Variants in ASTN2 observed in about 807,000 individuals in gnomAD.
ASTN2 encodes the protein astrotactin-2.
Under a neutral mutation model 139.8 loss-of-function variants are expected in ASTN2, and 54 were observed. The ratio of observed to expected loss-of-function variants is 0.39; its 90% CI spans 0.31 to 0.48. The LOEUF (loss-of-function observed/expected upper bound fraction) is 0.48. ASTN2 is among the 20% of genes least tolerant of loss of function. The pLI, the probability that ASTN2 is intolerant of heterozygous loss-of-function variation, is 0.95. For missense variants in ASTN2, 1,565 were observed against 1,725.1 expected (o/e 0.91, Z 1.64); for synonymous variants, 756 against 719.5 (o/e 1.05, Z -0.81).
chr9:116,973,302 G>A (rs1488390354), intron 10 of ASTN2, among the ~76,000 whole-genome samples: 1 of 152,042 alleles, frequency 6.6e-6, no homozygotes, highest in Non-Finnish European at 1.5e-5. Flanking sequence ...TCGATGATAT[G>A]AACTATTATT....
intron 1 of ASTN2, among the ~76,000 whole-genome samples, chr9:117,384,411 G>A (rs977257190): frequency 6.6e-6 from 1 of 151,904 alleles, no homozygotes; most frequent in Non-Finnish European, 1.5e-5. Context: ...AACCAAGCCA[G>A]GAGATCTTCA....
chr9:117,211,564 C>T (rs1291217136), intron 3 of ASTN2, among the ~76,000 whole-genome samples: 1 of 152,132 alleles, frequency 6.6e-6, no homozygotes, highest in East Asian at 1.9e-4. Flanking sequence ...TTTCCTGAGG[C>T]CTCCCCAACC....
At chr9:117,283,894 G>T (rs372768060) in intron 2 of ASTN2, among the ~76,000 whole-genome samples, 1 of 151,910 alleles carries the variant, frequency 6.6e-6, no homozygotes, top group East Asian at 1.9e-4. Flanking sequence ...TGAAAGTAAT[G>T]GTATTTCTCA....
chr9:116,839,706 T>C (rs1832133935), intron 11 of ASTN2, among the ~76,000 whole-genome samples: 2 of 151,860 alleles, frequency 1.3e-5, no homozygotes, highest in Non-Finnish European at 2.9e-5. Context: ...AGTCTCGCTC[T>C]GTCGCCCAAG....
intron 4 of ASTN2, among the ~76,000 whole-genome samples, chr9:117,116,804 A>ATGGGG (rs1829404357): frequency 9.1e-6 from 1 of 109,812 alleles, no homozygotes; most frequent in Non-Finnish European, 1.7e-5. Flanking sequence ...GTGTGTGTTG[A>ATGGGG]TGGGGTTTTG....
intron 10 of ASTN2, among the ~76,000 whole-genome samples, chr9:116,892,045 T>G (rs1043016855): frequency 9.2e-5 from 14 of 152,334 alleles, no homozygotes; most frequent in Admixed American, 8.5e-4. Context: ...CCTAAAATTT[T>G]AAGTTATCTG....
Position 116,704,350 on chromosome 9 carries a change from A to C in ASTN2, c.2806+21421T>G, listed in dbSNP as rs1242318849. Among the ~76,000 whole-genome samples the C allele has an allele frequency of 2.0e-5, 3 of 152,170 alleles. No individual in the cohort carries two copies. The East Asian group carries it at 5.8e-4, about 29-fold the overall frequency. On this transcript the variant is annotated intron_variant, in intron 16 of 22. Coordinates refer to ENST00000313400, the MANE Select transcript of ASTN2 (RefSeq NM_001365068.1). ...AATAGTAGAACAACAACATCAACAA[A>C]AAACCCAAATCATCCCCAACTTGAT...
At chr9:117,376,110 G>A (rs547785145) in intron 1 of ASTN2, among the ~76,000 whole-genome samples, 2 of 152,142 alleles carry the variant, frequency 1.3e-5, no homozygotes, top group African/African-American at 4.8e-5. Flanking sequence ...ATATGGCATA[G>A]AATATTCACA....
intron 22 of ASTN2, among the ~76,000 whole-genome samples, chr9:116,426,630 G>T (rs1366077625): frequency 6.6e-6 from 1 of 152,082 alleles, no homozygotes; most frequent in African/African-American, 2.4e-5. Flanking sequence ...CTAAATCTAG[G>T]CCTGACCACC....
At chr9:116,632,252 G>GAAAGAAAGAAAGAAGGAAAGAAAGAAA (rs1856833378) in intron 17 of ASTN2, among the ~76,000 whole-genome samples, 1 of 70,916 alleles carries the variant, frequency 1.4e-5, no homozygotes, top group African/African-American at 7.1e-5. Context: ...AAAGAAAGAA[G>GAAAGAAAGAAAGAAGGAAAGAAAGAAA]GAAAGAAAGA....
intron 3 of ASTN2, among the ~76,000 whole-genome samples, chr9:117,142,798 C>CT (rs1374598981): frequency 1.3e-5 from 2 of 152,148 alleles, no homozygotes; most frequent in Middle Eastern, 3.2e-3. Context: ...GCCTCAGTGC[C>CT]TTTGTTCTGA....
chr9:116,723,120 G>T (rs943785358), intron 16 of ASTN2, among the ~76,000 whole-genome samples: 19 of 151,838 alleles, frequency 1.3e-4, no homozygotes, highest in African/African-American at 4.4e-4. Flanking sequence ...AGCAGAGATC[G>T]TGCCACTGAG....
chr9:116,501,154 C>T (rs1203666396), intron 19 of ASTN2, among the ~76,000 whole-genome samples: 1 of 152,144 alleles, frequency 6.6e-6, no homozygotes, highest in Non-Finnish European at 1.5e-5. Flanking sequence ...AAGCTCCAAA[C>T]CCAAGTCTGA....
At chr9:117,038,185 A>G (rs1735701942) in intron 6 of ASTN2, among the ~76,000 whole-genome samples, 1 of 151,760 alleles carries the variant, frequency 6.6e-6, no homozygotes, top group Admixed American at 6.6e-5. Flanking sequence ...TCTGGTCAAA[A>G]TATACTGAAG....
chr9:116,686,957 G>T (rs1046108944), intron 16 of ASTN2: 19 of 1,472,356 alleles, frequency 1.3e-5, no homozygotes, highest in African/African-American at 2.8e-5. Context: ...AACAGATTCA[G>T]TAAGGTGCCA....
intron 19 of ASTN2, among the ~76,000 whole-genome samples, chr9:116,520,043 C>T (rs1024901539): frequency 6.6e-6 from 1 of 152,018 alleles, no homozygotes; most frequent in Non-Finnish European, 1.5e-5. Flanking sequence ...TAGTCCAGGA[C>T]CAGAAAGATT....
At chr9:116,490,274 A>T (rs1849474254) in intron 19 of ASTN2, among the ~76,000 whole-genome samples, 3 of 24,846 alleles carry the variant, frequency 1.2e-4, no homozygotes, top group Admixed American at 3.2e-4. Context: ...ATAAAAAGTA[A>T]AAAAAAAAAA....
At chr9:116,840,979 G>A (rs7467130) in intron 11 of ASTN2, among the ~76,000 whole-genome samples, 29,730 of 151,834 alleles carry the variant, frequency 0.2, 3,269 homozygotes, top group East Asian at 0.49. Flanking sequence ...ACGGGGTGGC[G>A]GCCGGGCAGA....
intron 16 of ASTN2, among the ~76,000 whole-genome samples, chr9:116,690,400 AC>A (rs1371242801): frequency 6.6e-6 from 1 of 152,196 alleles, no homozygotes; most frequent in Non-Finnish European, 1.5e-5. Flanking sequence ...CACCTATGTT[AC>A]ATTATAGTAG....
Sources: allele counts gnomAD v4.1 joint callset (sites outside exome capture counted in the v4.1 genomes callset), GRCh38; gene constraint gnomAD v4.1.1; transcripts MANE v1.5; gene names NCBI Gene and HGNC (gene_info 2026-07-23, HGNC 2026-07-21).